SH3BP5: variants seen among roughly 807,000 people sequenced by gnomAD.
The protein encoded by SH3BP5 is SH3 domain binding protein 5.
A neutral mutation model predicts 43.3 loss-of-function variants in SH3BP5; 22 were observed. The ratio of observed to expected loss-of-function variants is 0.51; its 90% CI spans 0.36 to 0.73. The LOEUF is 0.73. Among genes scored for constraint, SH3BP5 ranks in the 30% least tolerant of loss-of-function variants. The pLI is 0.00. For missense variants in SH3BP5, 529 were observed against 586.9 expected, an observed-to-expected ratio of 0.90 and a Z score of 1.02; for synonymous variants, 255 against 225.8, an observed-to-expected ratio of 1.13 and a Z score of -1.16.
chr3:15,299,615 T>C (rs1482674218), intron 3 of SH3BP5, among the ~76,000 whole-genome samples: 1 of 148,704 alleles, frequency 6.7e-6, no homozygotes, highest in African/African-American at 2.5e-5. Flanking sequence ...TGCTTCAGCC[T>C]CCTAAGGGCT....
intron 2 of SH3BP5, among the ~76,000 whole-genome samples, chr3:15,318,668 T>A (rs534832564): frequency 6.6e-6 from 1 of 152,280 alleles, no homozygotes; most frequent in East Asian, 1.9e-4. Context: ...GTTCAAACGA[T>A]TCTTGTGCCT....
chr3:15,277,055 A>G (rs955103064), intron 3 of SH3BP5, among the ~76,000 whole-genome samples: 2 of 151,832 alleles, frequency 1.3e-5, no homozygotes, highest in Non-Finnish European at 2.9e-5. Flanking sequence ...GGTTCAAATG[A>G]TTCTCCTGCC....
At chr3:15,304,265 A>G in intron 2 of SH3BP5, 34 bp from the exon 3 acceptor site, 3 of 1,613,926 alleles carry the variant, frequency 1.9e-6, no homozygotes, top group Non-Finnish European at 2.5e-6. Context: ...AACACAGTTG[A>G]GGCTTAAGAA....
chr3:15,318,281 T>A (rs190856504), intron 2 of SH3BP5, among the ~76,000 whole-genome samples: 1 of 152,300 alleles, frequency 6.6e-6, no homozygotes, highest in East Asian at 1.9e-4. Context: ...TTGTTGGACA[T>A]ATATGCCAGG....
chr3:15,303,876 A>T (rs1046539419), intron 3 of SH3BP5, among the ~76,000 whole-genome samples: 1 of 152,132 alleles, frequency 6.6e-6, no homozygotes, highest in South Asian at 2.1e-4. Context: ...CTCAGCACCA[A>T]CTCAGGGAGA....
At chr3:15,335,464 C>T (rs1050591028), upstream of SH3BP5, among the ~76,000 whole-genome samples, 1 of 152,068 alleles carries the variant, frequency 6.6e-6, no homozygotes, top group East Asian at 1.9e-4. Context: ...GTAGTTCCAG[C>T]TACTCTGGAG....
chr3:15,303,982 G>A (rs1697826747), intron 3 of SH3BP5, 121 bp downstream of exon 3: 3 of 773,810 alleles, frequency 3.9e-6, no homozygotes, highest in African/African-American at 3.4e-5. Flanking sequence ...GTGGGTCACT[G>A]CATTTAAGAC....
chr3:15,338,829 C>T (rs1398040814), intron 1 of SH3BP5, among the ~76,000 whole-genome samples: 3 of 152,052 alleles, frequency 2.0e-5, no homozygotes, highest in Non-Finnish European at 2.9e-5. Context: ...GCTGGCTGGC[C>T]CCTTTAGGAT....
At chr3:15,322,804 T>C (rs890513491) in intron 2 of SH3BP5, among the ~76,000 whole-genome samples, 7 of 151,904 alleles carry the variant, frequency 4.6e-5, no homozygotes, top group African/African-American at 1.5e-4. Context: ...CACTGCACCC[T>C]ACCCTGGGCA....
intron 2 of SH3BP5, among the ~76,000 whole-genome samples, chr3:15,324,941 G>A (rs1575352398): frequency 6.6e-6 from 1 of 151,616 alleles, no homozygotes; most frequent in East Asian, 1.9e-4. Context: ...GCTGGCTTAA[G>A]CATGTTTGAG....
At chr3:15,295,017 A>G (rs1315476602) in intron 3 of SH3BP5, among the ~76,000 whole-genome samples, 1 of 151,854 alleles carries the variant, frequency 6.6e-6, no homozygotes, top group Non-Finnish European at 1.5e-5. Flanking sequence ...TGTGCTTCGG[A>G]GTGTGCACAG....
chr3:15,259,561 T>C (rs1696354807), intron 6 of SH3BP5, 200 bp downstream of exon 6: 1 of 668,908 alleles, frequency 1.5e-6, no homozygotes, highest in South Asian at 1.7e-5. Context: ...ACAGAGAAGG[T>C]GACTGAATGG....
At chr3:15,294,355 C>A (rs1697509742) in intron 3 of SH3BP5, among the ~76,000 whole-genome samples, 1 of 151,432 alleles carries the variant, frequency 6.6e-6, no homozygotes, top group Admixed American at 6.6e-5. Context: ...ACGTAACTCC[C>A]CCTCATGCAT....
chr3:15,308,045 T>C (rs2010265), intron 2 of SH3BP5, among the ~76,000 whole-genome samples: 12,307 of 151,944 alleles, frequency 0.081, 805 homozygotes, highest in African/African-American at 0.19. Flanking sequence ...AGAAAAAAAA[T>C]AGCTAGAAGC....
In SH3BP5 at chr3:15,256,006, T is replaced by G; in HGVS notation, c.*80A>C. ...GAGTAGACGTGTAAGATTTGGCATA[T>G]ATTAAATGATTATTGGCACAATGTT... is the stretch of plus-strand genomic sequence containing the variant. On this transcript the variant is annotated 3_prime_UTR_variant, in exon 9 of 9. Transcript: ENST00000383791. The G allele has an allele frequency of 1.7e-6, 2 of 1,158,164 alleles. No individual in the cohort carries two copies. The highest frequency in any genetic ancestry group is 2.5e-6 in the Non-Finnish European group (2 of 791,836). 71.7% of individuals were successfully genotyped at this position (1,158,164 alleles called of 1,614,324 possible).
intron 3 of SH3BP5, among the ~76,000 whole-genome samples, chr3:15,273,947 A>C (rs1024168335): frequency 6.6e-6 from 1 of 152,148 alleles, no homozygotes; most frequent in Non-Finnish European, 1.5e-5. Context: ...TACTGCTATA[A>C]AGAAATACCT....
Position 15,340,743 on chromosome 3 carries a change from C to A in SH3BP5, c.-402+480G>T, listed in dbSNP as rs569483920. 9.8e-4 allele frequency among the ~76,000 whole-genome samples: 147 copies of A among 150,702 alleles called. 2 individuals carry two copies. The highest frequency in any genetic ancestry group is 3.3e-3 in the African/African-American group (133 of 40,886). On this transcript the variant is annotated intron_variant, in intron 1 of 8. Transcript: ENST00000408919. ...TGCAGCCTGGGTGACAGGAGAGAAA[C>A]CCTGTCTCAAAAAATAAAAAAAAAT...
chr3:15,268,916 GA>G (rs1408926302), intron 4 of SH3BP5, among the ~76,000 whole-genome samples: 1 of 152,140 alleles, frequency 6.6e-6, no homozygotes, highest in Non-Finnish European at 1.5e-5. Context: ...TGTGAACCAA[GA>G]AACAGGCCCT....
intron 4 of SH3BP5, among the ~76,000 whole-genome samples, chr3:15,268,566 G>T (rs1696708269): frequency 6.6e-6 from 1 of 152,128 alleles, no homozygotes. Flanking sequence ...TGGTGTGGGG[G>T]GATACCAGGA....
Sources: allele counts gnomAD v4.1 joint callset (sites outside exome capture counted in the v4.1 genomes callset), GRCh38; gene constraint gnomAD v4.1.1; transcripts MANE v1.5; gene names NCBI Gene and HGNC (gene_info 2026-07-23, HGNC 2026-07-21).